PDE4C: variants seen among roughly 807,000 people sequenced by gnomAD.
PDE4C encodes 3',5'-cyclic-AMP phosphodiesterase 4C.
In PDE4C, 50 loss-of-function variants were observed where a neutral mutation model predicts 63.9. That is an observed-to-expected ratio of 0.78 (90% CI 0.62 to 0.99). The LOEUF is 0.99. Ranked by LOEUF, PDE4C falls within the 50% of genes least tolerant of loss-of-function variation. PDE4C has a pLI of 0.00. For synonymous variants in PDE4C, 377 were observed against 385.1 expected, an observed-to-expected ratio of 0.98 and a Z score of 0.25; for missense variants, 777 against 899.1, an observed-to-expected ratio of 0.86 and a Z score of 1.74.
intron 13 of PDE4C, among the ~76,000 whole-genome samples, chr19:18,213,060 G>A (rs536858081): frequency 6.0e-4 from 89 of 149,564 alleles, no homozygotes; most frequent in African/African-American, 1.8e-3. Flanking sequence ...TTGGGAGGCC[G>A]AGGTGGGCGG....
At chr19:18,239,111 A>G (rs115603002) in intron 1 of PDE4C, among the ~76,000 whole-genome samples, 2,802 of 152,322 alleles carry the variant, frequency 0.018, 86 homozygotes, top group African/African-American at 0.064. Context: ...TTCCAATAGT[A>G]CATGGATGGG....
At chr19:18,238,529 C>T (rs140574973), upstream of PDE4C, among the ~76,000 whole-genome samples, 82 of 151,868 alleles carry the variant, frequency 5.4e-4, no homozygotes, top group Middle Eastern at 3.4e-3. Context: ...TGAGCCACTG[C>T]GCCCGGCCGA....
intron 1 of PDE4C, chr19:18,224,337 C>T (rs1968631723): frequency 1.0e-6 from 1 of 985,490 alleles, no homozygotes. Context: ...CAGTGTCCGG[C>T]TGGTCCCGGC....
At chr19:18,251,676 A>ACCCCCCCCCCCCCCCCCCCCCCC (rs1969230557), upstream of PDE4C, among the ~76,000 whole-genome samples, 2 of 23,562 alleles carry the variant, frequency 8.5e-5, no homozygotes, top group African/African-American at 2.3e-4. Flanking sequence ...CTCGTGATAC[A>ACCCCCCCCCCCCCCCCCCCCCCC]CGCCCCCCCC....
exon 1 of PDE4C, chr19:18,233,264 CT>C (rs1347493857): frequency 1.9e-5 from 29 of 1,536,356 alleles, no homozygotes; most frequent in Non-Finnish European, 2.4e-5. Flanking sequence ...GGAGCGTCTG[CT>C]CCCGGGTCCG....
At chr19:18,228,085 C>T (rs1361361298), upstream of PDE4C, among the ~76,000 whole-genome samples, 2 of 152,096 alleles carry the variant, frequency 1.3e-5, no homozygotes, top group Non-Finnish European at 2.9e-5. Flanking sequence ...CTGCTGGGGC[C>T]AGACCTAATT....
the PDE4C span, among the ~76,000 whole-genome samples, chr19:18,254,837 T>G: frequency 1.3e-5 from 2 of 152,214 alleles, no homozygotes; most frequent in African/African-American, 4.8e-5. Flanking sequence ...CCACAGATGT[T>G]TGATGACCAG....
intron 1 of PDE4C, among the ~76,000 whole-genome samples, chr19:18,225,940 G>A (rs1968700693): frequency 6.6e-6 from 1 of 152,218 alleles, no homozygotes; most frequent in African/African-American, 2.4e-5. Context: ...CCAGGCCGGC[G>A]AGGGTCAGGA....
At chr19:18,247,889 G>A (rs1969158791) in intron 1 of PDE4C, among the ~76,000 whole-genome samples, 1 of 152,170 alleles carries the variant, frequency 6.6e-6, no homozygotes. Flanking sequence ...ACAGGCACCA[G>A]TGTGAGACAC....
upstream of PDE4C, among the ~76,000 whole-genome samples, chr19:18,251,910 G>A (rs77194252): frequency 0.024 from 3,612 of 151,802 alleles, 151 homozygotes; most frequent in African/African-American, 0.084. Flanking sequence ...TAATAAATGC[G>A]CATAGCATGA....
upstream of PDE4C, among the ~76,000 whole-genome samples, chr19:18,251,005 G>A (rs1045553457): frequency 9.3e-5 from 14 of 151,176 alleles, no homozygotes; most frequent in East Asian, 2.8e-3. Context: ...TGAACTCATT[G>A]GCTCAGGTGA....
At chr19:18,233,354 G>T in exon 1 of PDE4C, 1 of 942,864 alleles carries the variant, frequency 1.1e-6, no homozygotes, top group Non-Finnish European at 1.7e-6. Flanking sequence ...TGGAACTGGG[G>T]CTCAAGGTGG....
chr19:18,240,722 G>A (rs1482603496), intron 1 of PDE4C, among the ~76,000 whole-genome samples: 3 of 151,890 alleles, frequency 2.0e-5, no homozygotes, highest in Admixed American at 6.6e-5. Flanking sequence ...GCGAGACTAC[G>A]TCTCAAAAAA....
upstream of PDE4C, chr19:18,251,923 A>G (rs111324274): frequency 0.054 from 21,217 of 396,222 alleles, 3,906 homozygotes; most frequent in African/African-American, 0.39. Context: ...TAGCATGAAG[A>G]GCTTTAGACA....
At chr19:18,252,286 G>A, upstream of PDE4C, 1 of 399,198 alleles carries the variant, frequency 2.5e-6, no homozygotes, top group South Asian at 1.3e-4. Context: ...CTGGGGCTCG[G>A]CTGGATGGTA....
intron 12 of PDE4C, among the ~76,000 whole-genome samples, chr19:18,214,189 C>T (rs959439089): frequency 2.7e-5 from 4 of 150,546 alleles, no homozygotes; most frequent in African/African-American, 7.4e-5. Flanking sequence ...ACCCAAGAGG[C>T]GGAGCTTGCA....
intron 1 of PDE4C, among the ~76,000 whole-genome samples, chr19:18,245,352 A>T (rs999195943): frequency 6.6e-6 from 1 of 151,602 alleles, no homozygotes; most frequent in Non-Finnish European, 1.5e-5. Flanking sequence ...TTTAGTAGAG[A>T]CAGGGTTTCT....
chr19:18,237,848 G>C (rs1482395947), upstream of PDE4C, among the ~76,000 whole-genome samples: 1 of 129,986 alleles, frequency 7.7e-6, no homozygotes, highest in Non-Finnish European at 1.6e-5. Flanking sequence ...ACTCCAGCCT[G>C]AGTGACAGAG....
intron 1 of PDE4C, among the ~76,000 whole-genome samples, chr19:18,231,638 T>A (rs1419106123): frequency 6.6e-6 from 1 of 151,952 alleles, no homozygotes; most frequent in Non-Finnish European, 1.5e-5. Context: ...AAAGCCAAGC[T>A]CCAGAGCAGG....
Sources: allele counts gnomAD v4.1 joint callset (sites outside exome capture counted in the v4.1 genomes callset), GRCh38; gene constraint gnomAD v4.1.1; transcripts MANE v1.5; gene names NCBI Gene and HGNC (gene_info 2026-07-23, HGNC 2026-07-21).